PAK5: variants seen among roughly 807,000 people sequenced by gnomAD.
PAK5 encodes the protein p21 (RAC1) activated kinase 5, also known as serine/threonine-protein kinase PAK 5.
A neutral mutation model predicts 65.9 loss-of-function variants in PAK5; 16 were observed. The ratio of observed to expected loss-of-function variants is 0.24; its 90% CI spans 0.16 to 0.37. PAK5 has a LOEUF of 0.37. Among genes scored for constraint, PAK5 ranks in the 10% least tolerant of loss-of-function variants. The pLI, the probability that PAK5 is intolerant of heterozygous loss-of-function variation, is 1.00. For synonymous variants in PAK5, 371 were observed against 354.9 expected (o/e 1.05, Z -0.51); for missense variants, 785 against 903.9 (o/e 0.87, Z 1.69).
rs138035263 is a variant in PAK5 at position 9,631,245 on chromosome 20, G to T, written c.204+12880C>A. 2.9e-3 allele frequency among the ~76,000 whole-genome samples: 444 copies of T among 152,218 alleles called. 2 individuals are homozygous for T. Among genetic ancestry groups the T allele is most frequent in the Non-Finnish European group, 4.8e-3 (324 of 67,994 alleles). On this transcript the variant is annotated intron_variant, in intron 3 of 9. Coordinates refer to ENST00000353224, the MANE Select transcript of PAK5 (RefSeq NM_177990.4). ...ATCCCCTCTCCATGAGTGTAGGCAG[G>T]ATCTGTGGCTTGCTTCTAACCAATA...
rs367621962 is a variant in PAK5, at chr20:9,637,333, A to G, written c.204+6792T>C. Reference sequence around the variant, plus strand: ...AAAACATAAGACTATAAAGCACATGATCCATTAAGCATCCACCAATGAATG... The same window carrying G: ...AAAACATAAGACTATAAAGCACATGGTCCATTAAGCATCCACCAATGAATG... On this transcript the variant is annotated intron_variant, in intron 3 of 9. Transcript: ENST00000353224. 1.3e-4 allele frequency among the ~76,000 whole-genome samples: 20 copies of G among 152,304 alleles called. 1 individual carries two copies. In the South Asian group the frequency reaches 4.1e-3, roughly 32 times the overall value.
intron 1 of PAK5, among the ~76,000 whole-genome samples, chr20:9,774,848 C>A (rs1369177732): frequency 1.3e-5 from 2 of 151,672 alleles, no homozygotes; most frequent in East Asian, 3.9e-4. Context: ...CCCAGCTACT[C>A]GGGAGGTTGA....
rs2045195651 is a variant in PAK5 at position 9,537,873 on chromosome 20, T to C, written c.*1589A>G. 8.8e-6 allele frequency: 2 copies of C among 228,366 alleles called. No individual in the cohort carries two copies. The highest frequency in any genetic ancestry group is 1.8e-4 in the South Asian group (1 of 5,480). 14.1% of individuals were successfully genotyped at this position (228,366 alleles called of 1,614,324 possible). ...ATCAGTAGAAGGTCATTTTATGCCTTTTTTCCTTTTTAGCAGTGATAAATA... is the reference window on the plus strand; with the variant it reads ...ATCAGTAGAAGGTCATTTTATGCCTCTTTTCCTTTTTAGCAGTGATAAATA... On this transcript the variant is annotated 3_prime_UTR_variant, in exon 10 of 10. Transcript: ENST00000353224.
intron 3 of PAK5, among the ~76,000 whole-genome samples, chr20:9,630,810 G>A (rs2046911560): frequency 6.6e-6 from 1 of 152,156 alleles, no homozygotes; most frequent in African/African-American, 2.4e-5. Flanking sequence ...GATTTCAGAA[G>A]AGTCACGGAC....
intron 2 of PAK5, among the ~76,000 whole-genome samples, chr20:9,651,318 T>C (rs970773297): frequency 6.6e-6 from 1 of 152,152 alleles, no homozygotes; most frequent in African/African-American, 2.4e-5. Context: ...CAATCCAAAT[T>C]AGGATTTTAG....
chr20:9,768,514 G>A (rs2123669593), intron 1 of PAK5, among the ~76,000 whole-genome samples: 1 of 152,242 alleles, frequency 6.6e-6, no homozygotes, highest in South Asian at 2.1e-4. Flanking sequence ...CAGGCGCGGT[G>A]GCTCACACCT....
chr20:9,580,589 A>G lies in PAK5; in HGVS notation c.546T>C (p.Tyr182=). The change falls in exon 4 of 10, where the codon TAT becomes TAC. Residue 182 remains tyrosine (Y), a synonymous_variant. Coordinates refer to ENST00000353224, the MANE Select transcript of PAK5 (RefSeq NM_177990.4). ...VMKMKHGEAY[Y]SEVKPLKSDF... is the part of the protein sequence containing the mutation. ...CGGATTTCAAAGGCTTCACCTCAGA[A>G]TAGTAGGCCTCCCCGTGCTTCATTT... The G allele has an allele frequency of 6.2e-7, 1 of 1,614,148 alleles. No homozygotes were observed. Among genetic ancestry groups the G allele is most frequent in the Non-Finnish European group, 8.5e-7 (1 of 1,180,030 alleles).
At chr20:9,577,863 G>T (rs1429357542) in intron 4 of PAK5, among the ~76,000 whole-genome samples, 1 of 152,170 alleles carries the variant, frequency 6.6e-6, no homozygotes, top group African/African-American at 2.4e-5. Context: ...TGTTGTTGTT[G>T]GTGGTGGTGA....
At position 9,580,543 on chromosome 20, in the gene PAK5, C is replaced by T. The variant is rs762286985; in HGVS notation, c.592G>A (p.Asp198Asn). 42 of 1,614,004 alleles carry T rather than the reference C, an allele frequency of 2.6e-5. 2 individuals carry two copies. In the South Asian group the frequency reaches 4.2e-4, roughly 16 times the overall value. ...AGTGAGTCCAAATGTGAGTGATAATCGGCAGAAAATCTGGCAAAATCGGAT... is the reference window on the plus strand; with the variant it reads ...AGTGAGTCCAAATGTGAGTGATAATTGGCAGAAAATCTGGCAAAATCGGAT... Reference protein sequence around the residue: ...LKSDFARFSADYHSHLDSLSK... With the variant: ...LKSDFARFSANYHSHLDSLSK... Residue 198 changes from aspartate (D) to asparagine (N), a missense_variant, in exon 4 of 10, where the codon GAT becomes AAT. Physicochemically the swap from Asp to Asn is conservative, Grantham distance 23. Around this residue, in one of 4 missense-constraint regions of PAK5, gnomAD observed 422 missense variants for 413.3 expected, o/e 1.02. Coordinates refer to ENST00000353224, the MANE Select transcript of PAK5 (RefSeq NM_177990.4).
chr20:9,706,243 C>A (rs1297540805), intron 2 of PAK5, among the ~76,000 whole-genome samples: 2 of 152,166 alleles, frequency 1.3e-5, no homozygotes, highest in African/African-American at 4.8e-5. Flanking sequence ...TTCGTTTTCA[C>A]AAAAACCTAC....
At chr20:9,743,723 T>C (rs1396437105) in intron 1 of PAK5, among the ~76,000 whole-genome samples, 2 of 152,144 alleles carry the variant, frequency 1.3e-5, no homozygotes, top group African/African-American at 2.4e-5. Context: ...CTAGAAACAA[T>C]ATCTATTCTT....
intron 7 of PAK5, among the ~76,000 whole-genome samples, chr20:9,556,333 T>C (rs1196541883): frequency 2.0e-5 from 3 of 152,366 alleles, no homozygotes; most frequent in Non-Finnish European, 4.4e-5. Flanking sequence ...TCTATACTTT[T>C]CTGAGTTTAC....
chr20:9,571,875 G>C (rs893182507), intron 4 of PAK5, among the ~76,000 whole-genome samples: 1 of 59,080 alleles, frequency 1.7e-5, no homozygotes, highest in Non-Finnish European at 3.1e-5. Flanking sequence ...CATGAATGAT[G>C]GGGGGGGGGG....
At chr20:9,706,680 G>A (rs1233238014) in intron 2 of PAK5, among the ~76,000 whole-genome samples, 1 of 149,906 alleles carries the variant, frequency 6.7e-6, no homozygotes. Context: ...TGCTGTTGTT[G>A]TTTGTTTTGT....
chr20:9,829,329 G>A (rs1254577512), intron 1 of PAK5, among the ~76,000 whole-genome samples: 1 of 152,138 alleles, frequency 6.6e-6, no homozygotes. Context: ...ATTATCGGAG[G>A]TTCAAGGACC....
At chr20:9,560,880 A>G (rs533573836) in intron 6 of PAK5, among the ~76,000 whole-genome samples, 2 of 152,312 alleles carry the variant, frequency 1.3e-5, no homozygotes, top group East Asian at 3.9e-4. Context: ...CAGTATGTAT[A>G]AGAAATACCT....
chr20:9,620,932 T>C (rs1414730410), intron 3 of PAK5, among the ~76,000 whole-genome samples: 1 of 136,486 alleles, frequency 7.3e-6, no homozygotes, highest in Non-Finnish European at 1.5e-5. Context: ...ACCAAAGGTA[T>C]CCAGCAGCCA....
At chr20:9,567,843 G>A (rs994798617) in intron 4 of PAK5, among the ~76,000 whole-genome samples, 8 of 152,220 alleles carry the variant, frequency 5.3e-5, no homozygotes, top group African/African-American at 1.9e-4. Context: ...GAGTGAGGGG[G>A]TTGAAAGTAA....
At chr20:9,639,351 A>T (rs770151473) in intron 3 of PAK5, among the ~76,000 whole-genome samples, 84 of 152,276 alleles carry the variant, frequency 5.5e-4, no homozygotes, top group Non-Finnish European at 9.0e-4. Context: ...GTGGAGACAT[A>T]TTTACACTCA....
Sources: allele counts gnomAD v4.1 joint callset (sites outside exome capture counted in the v4.1 genomes callset), GRCh38; gene constraint gnomAD v4.1.1; regional missense constraint gnomAD v4.1.1; transcripts MANE v1.5; gene names NCBI Gene and HGNC (gene_info 2026-07-23, HGNC 2026-07-21).